Variants in EXOSC2 observed in about 807,000 individuals in gnomAD.
EXOSC2 encodes the protein exosome complex component RRP4.
A neutral mutation model predicts 37.6 loss-of-function variants in EXOSC2; 29 were observed. The ratio of observed to expected loss-of-function variants is 0.77; its 90% confidence interval spans 0.57 to 1.05. The LOEUF (loss-of-function observed/expected upper bound fraction) is 1.05. EXOSC2 is among the 50% of genes least tolerant of loss of function. EXOSC2 has a pLI of 0.00. For missense variants in EXOSC2, 346 were observed against 365.6 expected, an observed-to-expected ratio of 0.95 and a Z score of 0.44; for synonymous variants, 119 against 131.1, an observed-to-expected ratio of 0.91 and a Z score of 0.63.
chr9:130,696,977 C>T (rs904266564), intron 2 of EXOSC2, among the ~76,000 whole-genome samples: 56 of 152,272 alleles, frequency 3.7e-4, no homozygotes, highest in African/African-American at 1.3e-3. Context: ...TGTTAGTCAT[C>T]TAGATGGCAG....
At chr9:130,700,089 G>A (rs1212229989) in intron 5 of EXOSC2, among the ~76,000 whole-genome samples, 1 of 151,960 alleles carries the variant, frequency 6.6e-6, no homozygotes, top group African/African-American at 2.4e-5. Context: ...GCAGTGGCGC[G>A]ATCTCGGCTC....
At chr9:130,701,957 T>G in intron 6 of EXOSC2, 177 bp from the exon 7 acceptor site, 1 of 1,418,998 alleles carries the variant, frequency 7.0e-7, no homozygotes, top group African/African-American at 1.4e-5. Context: ...ATGAATAGCC[T>G]CTGAGTCCCA....
rs1831057018 is a variant in EXOSC2 at position 130,694,858 on chromosome 9, A to G, written c.123-634A>G. On this transcript the variant is annotated intron_variant, in intron 1 of 8. Coordinates refer to ENST00000372358, the MANE Select transcript of EXOSC2 (RefSeq NM_014285.7). This position sits in a 1 kb window ranked among gnomAD's most constrained non-coding sequence, Gnocchi z 4.0. Reference sequence around the variant, plus strand: ...GCTGGGATTACAGGTGCACGCCACCATGCCTAGCTAATTTTTGGTTTTTTT... The same window carrying G: ...GCTGGGATTACAGGTGCACGCCACCGTGCCTAGCTAATTTTTGGTTTTTTT... 1.3e-5 allele frequency among the ~76,000 whole-genome samples: 2 copies of G among 149,228 alleles called. No individual in the cohort carries two copies. Among genetic ancestry groups the G allele is most frequent in the African/African-American group, 4.9e-5 (2 of 40,692 alleles).
rs375867059 is a variant in EXOSC2, at chr9:130,695,610, T to C, written c.224+17T>C. 140 of 1,608,552 alleles carry C rather than the reference T, an allele frequency of 8.7e-5. No homozygotes were observed. In the African/African-American group the frequency reaches 1.5e-3, roughly 17 times the overall value. On this transcript the variant is annotated intron_variant, in intron 2 of 8. Coordinates refer to ENST00000372358, the MANE Select transcript of EXOSC2 (RefSeq NM_014285.7). ...GAAAACCAGGTGAGAACAAAAGGTG[T>C]GTATTCCCTTTCTTGCAGCATCAGG...
intron 6 of EXOSC2, chr9:130,701,798 C>T: frequency 9.4e-7 from 1 of 1,063,150 alleles, no homozygotes; most frequent in Non-Finnish European, 1.1e-6. Context: ...CAACGCAGTG[C>T]TCCTGGGCCA....
chr9:130,699,210 GT>G (rs1464683357), intron 4 of EXOSC2, 118 bp from the exon 5 acceptor site: 4 of 1,001,796 alleles, frequency 4.0e-6, no homozygotes, highest in Non-Finnish European at 6.3e-6. Flanking sequence ...TCTTGCTATA[GT>G]TCTCAGTGCT....
intron 8 of EXOSC2, 149 bp downstream of exon 8, chr9:130,703,330 C>A: frequency 2.2e-6 from 2 of 928,106 alleles, no homozygotes; most frequent in Non-Finnish European, 3.1e-6. Context: ...TCTGGTAGAT[C>A]TTTCCCTAAG....
chr9:130,701,730 ACACATCTCACAGG>A, intron 6 of EXOSC2: 1 of 838,108 alleles, frequency 1.2e-6, no homozygotes, highest in Non-Finnish European at 1.4e-6. Flanking sequence ...ACCCAGAGGC[ACACATCTCACAGG>A]CAAGATGAGT....
In EXOSC2 at chr9:130,703,843, T is replaced by C. The variant is rs1167468876; in HGVS notation, c.*69T>C. 4 of 1,294,456 alleles carry C rather than the reference T, an allele frequency of 3.1e-6. 1 individual carries two copies. The highest frequency in any genetic ancestry group is 1.9e-4 in the Middle Eastern group (1 of 5,322). 80.2% of individuals were successfully genotyped at this position (1,294,456 alleles called of 1,614,324 possible). ...AAGACTGTGATGTGTGGTCCCCATATGTGGCTCAGCAAAGACTCGAGAGAT... is the reference window on the plus strand; with the variant it reads ...AAGACTGTGATGTGTGGTCCCCATACGTGGCTCAGCAAAGACTCGAGAGAT... On this transcript the variant is annotated 3_prime_UTR_variant, in exon 9 of 9. Coordinates refer to ENST00000372358, the MANE Select transcript of EXOSC2 (RefSeq NM_014285.7).
In EXOSC2 at chr9:130,698,309, G is replaced by A; in HGVS notation, c.360+58G>A. On this transcript the variant is annotated intron_variant, in intron 4 of 8. Transcript: ENST00000372358. This position sits in a 1 kb window ranked among gnomAD's most constrained non-coding sequence, Gnocchi z 4.1. Reference sequence around the variant, plus strand: ...CCCAGTGGGCTGGGGGGAGCCGTGGGACCCTTTGTTCCACCAGAGGACTTT... The same window carrying A: ...CCCAGTGGGCTGGGGGGAGCCGTGGAACCCTTTGTTCCACCAGAGGACTTT... 6.6e-7 allele frequency: 1 copy of A among 1,504,274 alleles called. No individual in the cohort carries two copies. Among genetic ancestry groups the A allele is most frequent in the Non-Finnish European group, 9.2e-7 (1 of 1,085,252 alleles). 93.2% of individuals were successfully genotyped at this position (1,504,274 alleles called of 1,614,324 possible). A position where few individuals can be genotyped will look rare whatever the true frequency, so the allele number is the denominator to read the frequency against.
In EXOSC2 at chr9:130,698,167, A is replaced by C. The variant is rs1007505538; in HGVS notation, c.276A>C (p.Gln92His). 6.2e-7 allele frequency: 1 copy of C among 1,614,038 alleles called. No individual in the cohort carries two copies. Among genetic ancestry groups the C allele is most frequent in the Non-Finnish European group, 8.5e-7 (1 of 1,179,984 alleles). The part of the protein sequence containing the change: ...DIVVGRITEV[Q>H]QKRWKVETNS... The stretch of plus-strand genomic sequence containing the variant: ...GTGTGGAACTTGGCTTATAGGTTCA[A>C]CAGAAGAGGTGGAAGGTGGAGACCA... The change falls in exon 4 of 9, where the codon CAA (glutamine) becomes CAC (histidine). Residue 92 changes from glutamine (Q) to histidine (H), a missense_variant. Physicochemically the swap from Gln to His is conservative, Grantham distance 24. Coordinates refer to ENST00000372358, the MANE Select transcript of EXOSC2 (RefSeq NM_014285.7). This position sits in a 1 kb window ranked among gnomAD's most constrained non-coding sequence, Gnocchi z 4.1.
At chr9:130,695,943 C>G (rs1588196286) in intron 2 of EXOSC2, among the ~76,000 whole-genome samples, 1 of 150,596 alleles carries the variant, frequency 6.6e-6, no homozygotes, top group Non-Finnish European at 1.5e-5. Context: ...TCACTACAAC[C>G]TTCGCCTCCC....
intron 6 of EXOSC2, chr9:130,701,920 A>C: frequency 2.2e-6 from 3 of 1,383,622 alleles, no homozygotes; most frequent in Non-Finnish European, 9.3e-7. Flanking sequence ...AGAGAAGAGT[A>C]TTGAAGGTCA....
At position 130,699,565 on chromosome 9, in the gene EXOSC2, G is replaced by A. The variant is rs983727533; in HGVS notation, c.426+171G>A. The A allele has an allele frequency of 1.9e-5, 13 of 681,698 alleles. No individual in the cohort carries two copies. In the Admixed American group the frequency reaches 3.2e-4, roughly 17 times the overall value. 42.2% of individuals were successfully genotyped at this position (681,698 alleles called of 1,614,324 possible). A position where few individuals can be genotyped will look rare whatever the true frequency, so the allele number is the denominator to read the frequency against. ...TTTCTCAGTCTCCTTAATTCAGGCTGACTCCCCAGCTCTTGTTGGGACCTG... is the reference window on the plus strand; with the variant it reads ...TTTCTCAGTCTCCTTAATTCAGGCTAACTCCCCAGCTCTTGTTGGGACCTG... On this transcript the variant is annotated intron_variant, in intron 5 of 8. Coordinates refer to ENST00000372358, the MANE Select transcript of EXOSC2 (RefSeq NM_014285.7).
In EXOSC2 at chr9:130,702,138, G is replaced by A; in HGVS notation, c.500G>A (p.Gly167Asp). Reference sequence around the variant, plus strand: ...CTTCGTGATATATTTCTTTAGCTAGGTCAGGGGGTTTTGGTCCAGGTTTCC... The same window carrying A: ...CTTCGTGATATATTTCTTTAGCTAGATCAGGGGGTTTTGGTCCAGGTTTCC... ...HTRSLKYGKL[G>D]QGVLVQVSPS... Residue 167 changes from glycine (G) to aspartate (D), a missense_variant, in exon 7 of 9, where the codon GGT (glycine) becomes GAT (aspartate). Transcript: ENST00000372358. 1.9e-6 allele frequency: 3 copies of A among 1,613,988 alleles called. No homozygotes were observed. The highest frequency in any genetic ancestry group is 2.5e-6 in the Non-Finnish European group (3 of 1,179,990).
rs1831206857 is a variant in EXOSC2, at chr9:130,701,129, T to C, written c.495+194T>C. The C allele has an allele frequency of 4.2e-5, 24 of 568,120 alleles. No homozygotes were observed. The Admixed American group carries it at 7.5e-4, about 18-fold the overall frequency. The allele number at this position is 568,120 out of a possible 1,614,324, so 35.2% of individuals were successfully genotyped here. A position where few individuals can be genotyped will look rare whatever the true frequency, so the allele number is the denominator to read the frequency against. ...CAGGGTTCACAGGGTCATGGGTCAG[T>C]AGCCTTGTAAAGAACAAGTTTTATC... On this transcript the variant is annotated intron_variant, in intron 6 of 8. Transcript: ENST00000372358.
intron 1 of EXOSC2, 81 bp downstream of exon 1, chr9:130,693,994 G>A: frequency 6.7e-7 from 1 of 1,483,298 alleles, no homozygotes; most frequent in South Asian, 1.3e-5. Context: ...TCGTATCCCT[G>A]TGTGTGTAAC....
At position 130,704,584 on chromosome 9, in the gene EXOSC2, G is replaced by C. The variant is rs957190574; in HGVS notation, c.*810G>C. ...CTTGGTTGGAATCTGATTTTCTGTT[G>C]CGTGTTCCTTGTAGCCATAGATGTG... On this transcript the variant is annotated 3_prime_UTR_variant, in exon 9 of 9. Transcript: ENST00000372358. 1 of 152,002 alleles carries C rather than the reference G, an allele frequency of 6.6e-6. No homozygotes were observed. Among genetic ancestry groups the C allele is most frequent in the East Asian group, 1.9e-4 (1 of 5,160 alleles). 9.4% of individuals were successfully genotyped at this position (152,002 alleles called of 1,614,324 possible).
intron 6 of EXOSC2, chr9:130,701,933 T>G: frequency 2.9e-6 from 4 of 1,395,444 alleles, no homozygotes; most frequent in African/African-American, 1.5e-5. Flanking sequence ...GAAGGTCACC[T>G]TCTGCTGGGA....
Sources: gnomAD v4.1 joint callset for allele counts (sites outside exome capture counted in the v4.1 genomes callset) on GRCh38, gnomAD v4.1.1 for gene constraint, Gnocchi (gnomAD v3.1) non-coding constraint, MANE v1.5 for transcripts, NCBI Gene and HGNC (gene_info 2026-07-23, HGNC 2026-07-21) for gene names.